Variants in RCBTB2 observed in about 807,000 individuals in gnomAD.
RCBTB2 encodes the protein RCC1 and BTB domain containing protein 2, also known as RCC1 and BTB domain-containing protein 2.
A neutral mutation model predicts 65.4 loss-of-function variants in RCBTB2; 55 were observed. That is an observed-to-expected ratio of 0.84 (90% confidence interval 0.68 to 1.05). The LOEUF (loss-of-function observed/expected upper bound fraction) is 1.05. RCBTB2 is among the 50% of genes least tolerant of loss of function. The pLI is 0.00. For missense variants in RCBTB2, 599 were observed against 680.1 expected (o/e 0.88, Z 1.33); for synonymous variants, 220 against 255.2 (o/e 0.86, Z 1.31).
At chr13:48,502,671 A>G in intron 11 of RCBTB2, 53 bp downstream of exon 11, 1 of 1,529,704 alleles carries the variant, frequency 6.5e-7, no homozygotes, top group Non-Finnish European at 8.9e-7. Context: ...TAAAGCCCTG[A>G]GCTCTTTCCC....
intron 12 of RCBTB2, among the ~76,000 whole-genome samples, chr13:48,501,106 G>A (rs1046241204): frequency 1.3e-5 from 2 of 152,124 alleles, no homozygotes; most frequent in African/African-American, 2.4e-5. Context: ...AAGGAGCTGC[G>A]GTCACCCAGG....
At chr13:48,519,507 G>C (rs1951298978) in intron 4 of RCBTB2, among the ~76,000 whole-genome samples, 1 of 152,064 alleles carries the variant, frequency 6.6e-6, no homozygotes, top group East Asian at 1.9e-4. Flanking sequence ...AAAACCTATG[G>C]TACCCAGCCC....
chr13:48,525,303 T>C (rs1951649933), intron 1 of RCBTB2, among the ~76,000 whole-genome samples: 1 of 144,710 alleles, frequency 6.9e-6, no homozygotes, highest in Non-Finnish European at 1.5e-5. Context: ...ACACAAAATA[T>C]ATAAAGAATG....
intron 13 of RCBTB2, among the ~76,000 whole-genome samples, chr13:48,499,136 ACACACACTCT>A (rs1158313891): frequency 2.0e-5 from 3 of 147,616 alleles, no homozygotes; most frequent in African/African-American, 7.8e-5. Context: ...ACACACACAC[ACACACACTCT>A]CTCTCTCTCT....
At chr13:48,503,059 AC>A in intron 10 of RCBTB2, 145 bp from the exon 11 acceptor site, 1 of 827,814 alleles carries the variant, frequency 1.2e-6, no homozygotes, top group African/African-American at 1.7e-5. Flanking sequence ...AAAACAAACC[AC>A]CACATGACTC....
intron 12 of RCBTB2, among the ~76,000 whole-genome samples, 173 bp from the exon 13 acceptor site, chr13:48,499,933 T>A (rs1950158567): frequency 6.6e-6 from 1 of 152,214 alleles, no homozygotes; most frequent in Non-Finnish European, 1.5e-5. Context: ...AGGCTGTATA[T>A]ACAAACCTGC....
upstream of RCBTB2, chr13:48,533,230 T>C: frequency 3.0e-6 from 1 of 335,948 alleles, no homozygotes; most frequent in South Asian, 2.1e-5. Context: ...GCCCCTCCTC[T>C]CCTCCCTAGG....
chr13:48,505,920 G>A (rs1399791913), intron 10 of RCBTB2, among the ~76,000 whole-genome samples: 3 of 152,190 alleles, frequency 2.0e-5, no homozygotes, highest in Admixed American at 1.3e-4. Context: ...CTGTGGGCCC[G>A]TGATTTAGCT....
chr13:48,492,234 G>A (rs530602924), intron 14 of RCBTB2, among the ~76,000 whole-genome samples: 2 of 152,200 alleles, frequency 1.3e-5, no homozygotes, highest in African/African-American at 4.8e-5. Flanking sequence ...GAGGCCTGTG[G>A]ATGCAATCTT....
chr13:48,499,870 G>A, intron 12 of RCBTB2, 110 bp from the exon 13 acceptor site: 1 of 1,236,800 alleles, frequency 8.1e-7, no homozygotes, highest in Non-Finnish European at 1.1e-6. Flanking sequence ...TCCCTGCTGT[G>A]GCTCCTCACT....
At chr13:48,533,185 C>G (rs1165889672), upstream of RCBTB2, 10 of 363,686 alleles carry the variant, frequency 2.7e-5, no homozygotes, top group African/African-American at 6.6e-5. Flanking sequence ...ACGAAGGGAG[C>G]GCAGACAAGA....
chr13:48,495,541 G>A (rs534049458), intron 14 of RCBTB2, among the ~76,000 whole-genome samples: 1 of 152,290 alleles, frequency 6.6e-6, no homozygotes, highest in East Asian at 1.9e-4. Flanking sequence ...CACCTTTGAA[G>A]CTAAGTCTTT....
intron 1 of RCBTB2, among the ~76,000 whole-genome samples, chr13:48,527,625 C>A (rs983387238): frequency 1.3e-5 from 2 of 151,970 alleles, no homozygotes; most frequent in East Asian, 3.9e-4. Flanking sequence ...CAAGTCTGTA[C>A]AAAAGTAATG....
intron 6 of RCBTB2, among the ~76,000 whole-genome samples, chr13:48,514,175 T>C (rs982497388): frequency 3.3e-5 from 5 of 152,220 alleles, no homozygotes; most frequent in African/African-American, 1.2e-4. Context: ...TTGGGGCCAT[T>C]ATTAAGTAAA....
intron 13 of RCBTB2, among the ~76,000 whole-genome samples, chr13:48,498,645 G>A (rs1409292205): frequency 2.0e-5 from 3 of 152,068 alleles, no homozygotes; most frequent in Non-Finnish European, 2.9e-5. Flanking sequence ...CAGGAGAATC[G>A]CTTGAAACCG....
At chr13:48,519,956 T>C (rs1302633424) in intron 4 of RCBTB2, among the ~76,000 whole-genome samples, 2 of 152,252 alleles carry the variant, frequency 1.3e-5, no homozygotes, top group East Asian at 3.9e-4. Context: ...TGAGCACCAA[T>C]TATGATGTTC....
chr13:48,506,461 G>T (rs1284814860), intron 10 of RCBTB2, among the ~76,000 whole-genome samples: 1 of 152,216 alleles, frequency 6.6e-6, no homozygotes, highest in Non-Finnish European at 1.5e-5. Context: ...GGCTGGCTGG[G>T]GAGGCCAACC....
chr13:48,525,665 C>G (rs529880026), intron 1 of RCBTB2, among the ~76,000 whole-genome samples: 3 of 151,716 alleles, frequency 2.0e-5, no homozygotes, highest in South Asian at 2.1e-4. Context: ...AGCATACACA[C>G]AAATATTCCC....
At position 48,496,275 on chromosome 13, in the gene RCBTB2, CT is replaced by C; in HGVS notation, c.1430del (p.Lys477SerfsTer24). ...CTTGCTTGATAGTTTGTTGGCAGAG[CT>C]TTTTCAAACGATTTTCTCTATAAAA... ...ATFYRENRLKKLCQQTIKQGI... is the reference protein window; with the variant it reads ...ATFYRENRLKXLCQQTIKQGI... On this transcript the variant is annotated frameshift_variant, in exon 14 of 15. Coordinates refer to ENST00000344532, the MANE Select transcript of RCBTB2 (RefSeq NM_001268.4). LOFTEE classifies it high-confidence loss of function. The C allele has an allele frequency of 6.3e-7, 1 of 1,591,574 alleles. No individual in the cohort carries two copies.
Sources: allele counts gnomAD v4.1 joint callset (sites outside exome capture counted in the v4.1 genomes callset), GRCh38; gene constraint gnomAD v4.1.1; transcripts MANE v1.5; gene names NCBI Gene and HGNC (gene_info 2026-07-23, HGNC 2026-07-21).